The following RERE variants were observed in gnomAD, a reference collection of about 807,000 sequenced individuals.
RERE encodes arginine-glutamic acid dipeptide repeats protein.
Under a neutral mutation model 146.1 loss-of-function variants are expected in RERE, and 40 were observed. The observed-to-expected ratio is 0.27, with a 90% CI of 0.21 to 0.36. The LOEUF is 0.36. Among genes scored for constraint, RERE ranks in the 10% least tolerant of loss-of-function variants. The pLI, the probability that RERE is intolerant of heterozygous loss-of-function variation, is 1.00. For synonymous variants in RERE, 1,003 were observed against 866.0 expected (o/e 1.16, Z -2.78); for missense variants, 1,933 against 2,138.7 (o/e 0.90, Z 1.90).
rs984977348 is a variant in RERE at position 8,463,234 on chromosome 1, G to A, written c.1203+2691C>T. Among the ~76,000 whole-genome samples the A allele has an allele frequency of 2.0e-5, 3 of 152,162 alleles. No homozygotes were observed. The East Asian group carries it at 5.8e-4, about 29-fold the overall frequency. On this transcript the variant is annotated intron_variant, in intron 11 of 22. Coordinates refer to ENST00000400908, the MANE Select transcript of RERE (RefSeq NM_001042681.2). ...TCACTGCTGAGGTTTTCAAAGTGAA[G>A]CTTCACTTCCTACACATAAGGGAAC...
chr1:8,633,662 C>G (rs1230091420), intron 2 of RERE, among the ~76,000 whole-genome samples: 1 of 152,116 alleles, frequency 6.6e-6, no homozygotes, highest in Non-Finnish European at 1.5e-5. Flanking sequence ...CACGGTGGCT[C>G]AGGCCTGTAA....
chr1:8,720,574 C>T (rs932638688), intron 1 of RERE, among the ~76,000 whole-genome samples: 1 of 151,978 alleles, frequency 6.6e-6, no homozygotes, highest in East Asian at 1.9e-4. Context: ...AGAGAGCAAG[C>T]GAGCCGGCAG....
chr1:8,770,329 G>A (rs1291945098), intron 1 of RERE, among the ~76,000 whole-genome samples: 1 of 151,988 alleles, frequency 6.6e-6, no homozygotes, highest in Non-Finnish European at 1.5e-5. Context: ...TTTTTTAAAA[G>A]GATGACTGTA....
chr1:8,559,280 CAAAA>C (rs548075266), intron 4 of RERE, among the ~76,000 whole-genome samples: 1,991 of 12,000 alleles, frequency 0.17, 17 homozygotes, highest in Non-Finnish European at 0.26. Context: ...AACTCCAGCT[CAAAA>C]AAAAAAAAAA....
intron 3 of RERE, among the ~76,000 whole-genome samples, chr1:8,623,283 G>C (rs567350660): frequency 1.3e-5 from 2 of 152,092 alleles, no homozygotes; most frequent in Admixed American, 1.3e-4. Flanking sequence ...CCTGTTCTCT[G>C]CTAAAAATAC....
At chr1:8,683,908 C>A (rs1040751973) in intron 1 of RERE, among the ~76,000 whole-genome samples, 7 of 152,192 alleles carry the variant, frequency 4.6e-5, no homozygotes, top group African/African-American at 1.4e-4. Context: ...CACCACTGCA[C>A]TCCAGCCCAG....
At chr1:8,411,834 G>C (rs1643623588) in intron 12 of RERE, among the ~76,000 whole-genome samples, 3 of 152,074 alleles carry the variant, frequency 2.0e-5, no homozygotes, top group African/African-American at 7.2e-5. Flanking sequence ...CAGTTCACTG[G>C]CTCTGTGCTT....
At chr1:8,666,103 C>T (rs954399450) in intron 1 of RERE, among the ~76,000 whole-genome samples, 2 of 152,102 alleles carry the variant, frequency 1.3e-5, no homozygotes, top group African/African-American at 4.8e-5. Flanking sequence ...GCCTTAAAAG[C>T]CGAGTTATCC....
At chr1:8,742,689 C>T (rs1640332435) in intron 1 of RERE, among the ~76,000 whole-genome samples, 1 of 151,962 alleles carries the variant, frequency 6.6e-6, no homozygotes, top group Non-Finnish European at 1.5e-5. Context: ...GGCATGAAGG[C>T]TAAAATTAGC....
chr1:8,628,991 G>C (rs1304211894), intron 2 of RERE, among the ~76,000 whole-genome samples: 1 of 152,206 alleles, frequency 6.6e-6, no homozygotes, highest in Admixed American at 6.5e-5. Context: ...CAAAGCTGAT[G>C]TGATCCACCA....
chr1:8,649,683 T>TTG (rs1374992607), intron 2 of RERE, among the ~76,000 whole-genome samples: 1 of 150,764 alleles, frequency 6.6e-6, no homozygotes, highest in Non-Finnish European at 1.5e-5. Flanking sequence ...TGAGCTGAGA[T>TTG]TGCACCACTG....
In RERE at chr1:8,541,236, A is replaced by G. The variant is rs756594763; in HGVS notation, c.808T>C (p.Leu270=). 1 of 1,601,788 alleles carries G rather than the reference A, an allele frequency of 6.2e-7. No individual in the cohort carries two copies. Among genetic ancestry groups the G allele is most frequent in the Non-Finnish European group, 8.6e-7 (1 of 1,169,230 alleles). The change falls in exon 7 of 23, where the codon TTA becomes CTA. Residue 270 remains leucine, a synonymous_variant. Transcript: ENST00000400908. ...TACCTTGTCTCAGGGTTATATCCTAATATGTAGAAAAATGAATCCACTCGG... is the reference window on the plus strand; with the variant it reads ...TACCTTGTCTCAGGGTTATATCCTAGTATGTAGAAAAATGAATCCACTCGG... The part of the protein sequence containing the change: ...KARVDSFFYI[L]GYNPETRRLN...
chr1:8,593,904 G>C (rs1296052684), intron 4 of RERE, among the ~76,000 whole-genome samples: 1 of 152,162 alleles, frequency 6.6e-6, no homozygotes, highest in Non-Finnish European at 1.5e-5. Context: ...CACCGGGGCA[G>C]ACAGGAGGAG....
chr1:8,662,493 G>A (rs894700138), intron 1 of RERE, among the ~76,000 whole-genome samples: 2 of 152,120 alleles, frequency 1.3e-5, no homozygotes, highest in Non-Finnish European at 2.9e-5. Context: ...ACCAACCTGG[G>A]AAACACAGCA....
At chr1:8,499,634 C>T (rs555736803) in intron 8 of RERE, among the ~76,000 whole-genome samples, 2 of 152,308 alleles carry the variant, frequency 1.3e-5, no homozygotes, top group East Asian at 3.9e-4. Flanking sequence ...ATTAGTAGGC[C>T]ATGTGGCTCT....
Position 8,761,279 on chromosome 1 carries a change from T to C in RERE, c.-145+55881A>G, listed in dbSNP as rs574941121. On this transcript the variant is annotated intron_variant, in intron 1 of 22. Coordinates refer to ENST00000400908, the MANE Select transcript of RERE (RefSeq NM_001042681.2). ...AAAGATACATCTGACACTAAATCCT[T>C]TGGCAATTTTATTCCACCTCGGGGC... Among the ~76,000 whole-genome samples, 3 of 152,336 alleles carry C rather than the reference T, an allele frequency of 2.0e-5. No homozygotes were observed. The East Asian group carries it at 5.8e-4, about 29-fold the overall frequency.
intron 1 of RERE, chr1:8,750,936 A>G (rs920400012): frequency 2.6e-5 from 20 of 756,308 alleles, no homozygotes; most frequent in Admixed American, 7.2e-5. Context: ...GCTTTGACAG[A>G]TAACGCTTTG....
intron 1 of RERE, among the ~76,000 whole-genome samples, chr1:8,736,610 A>T (rs1196392452): frequency 2.6e-5 from 4 of 152,202 alleles, no homozygotes; most frequent in African/African-American, 9.6e-5. Flanking sequence ...AAATTTCAAA[A>T]ATATAATAAT....
chr1:8,482,181 G>A (rs916621682), intron 10 of RERE, among the ~76,000 whole-genome samples: 4 of 149,916 alleles, frequency 2.7e-5, no homozygotes, highest in Non-Finnish European at 4.4e-5. Context: ...GCCTAGGGCT[G>A]CTCAATAAAA....
Sources: gnomAD v4.1 joint callset for allele counts (sites outside exome capture counted in the v4.1 genomes callset) on GRCh38, gnomAD v4.1.1 for gene constraint, MANE v1.5 for transcripts, NCBI Gene and HGNC (gene_info 2026-07-23, HGNC 2026-07-21) for gene names.